The following SPIN1 variants were observed in gnomAD, a reference collection of about 807,000 sequenced individuals.
SPIN1 encodes spindlin 1, also known as spindlin-1.
In SPIN1, 3 loss-of-function variants were observed where a neutral mutation model predicts 26.0. That is an observed-to-expected ratio of 0.12 (90% CI 0.05 to 0.30). The LOEUF is 0.30. Among genes scored for constraint, SPIN1 ranks in the 10% least tolerant of loss-of-function variants. The pLI is 1.00. For synonymous variants in SPIN1, 101 were observed against 116.5 expected (o/e 0.87, Z 0.86); for missense variants, 126 against 333.4 (o/e 0.38, Z 4.84).
chr9:88,464,427 C>CTTT (rs1564043108), intron 4 of SPIN1, among the ~76,000 whole-genome samples: 1 of 152,288 alleles, frequency 6.6e-6, no homozygotes, highest in East Asian at 1.9e-4. Flanking sequence ...TTTTCTTAAG[C>CTTT]TAAAGTTAGA....
intron 2 of SPIN1, among the ~76,000 whole-genome samples, chr9:88,429,825 A>G (rs1255687934): frequency 6.6e-6 from 1 of 152,148 alleles, no homozygotes; most frequent in African/African-American, 2.4e-5. Flanking sequence ...TGGTCCTACT[A>G]GAGACCAGTC....
chr9:88,449,580 C>T (rs1828317943), intron 3 of SPIN1, among the ~76,000 whole-genome samples: 1 of 151,846 alleles, frequency 6.6e-6, no homozygotes, highest in Non-Finnish European at 1.5e-5. Flanking sequence ...CACTTTTTTC[C>T]CTAATTTTTT....
chr9:88,447,081 C>T (rs935278955), intron 2 of SPIN1, among the ~76,000 whole-genome samples: 7 of 152,154 alleles, frequency 4.6e-5, no homozygotes, highest in Non-Finnish European at 1.0e-4. Flanking sequence ...CTAAAGGTCA[C>T]TGAGGTTGTG....
intron 1 of SPIN1, among the ~76,000 whole-genome samples, chr9:88,399,283 C>T (rs755340448): frequency 1.3e-5 from 2 of 152,066 alleles, no homozygotes; most frequent in African/African-American, 2.4e-5. Flanking sequence ...CCACCCGCCT[C>T]GGCCTCCCAA....
intron 1 of SPIN1, among the ~76,000 whole-genome samples, chr9:88,421,497 A>G (rs1202211714): frequency 6.6e-6 from 1 of 152,002 alleles, no homozygotes; most frequent in Non-Finnish European, 1.5e-5. Flanking sequence ...TTGATTGATC[A>G]CTTGAACTCC....
At chr9:88,404,537 A>G (rs879493057) in intron 1 of SPIN1, among the ~76,000 whole-genome samples, 10 of 152,208 alleles carry the variant, frequency 6.6e-5, no homozygotes, top group Non-Finnish European at 1.3e-4. Flanking sequence ...ATGTATAGAA[A>G]TACTTTCTTC....
At position 88,476,176 on chromosome 9, in the gene SPIN1, A is replaced by T. The variant is rs145522494; in HGVS notation, c.*899A>T. On this transcript the variant is annotated 3_prime_UTR_variant, in exon 6 of 6. Transcript: ENST00000375859. ...AATGTAGGTGTATTTTGGACAGCAC[A>T]TATGGTCCATTGTGTACAAGTCAGT... 3 of 152,188 alleles carry T rather than the reference A, an allele frequency of 2.0e-5. No homozygotes were observed. The East Asian group carries it at 5.8e-4, about 29-fold the overall frequency. The allele number at this position is 152,188 out of a possible 1,614,324, so 9.4% of individuals were successfully genotyped here.
chr9:88,468,765 GT>G (rs1404671881), intron 5 of SPIN1, among the ~76,000 whole-genome samples, 160 bp downstream of exon 5: 2 of 152,048 alleles, frequency 1.3e-5, no homozygotes, highest in African/African-American at 4.8e-5. Context: ...TCATCCAGTT[GT>G]TATAAATGTT....
At position 88,462,524 on chromosome 9, in the gene SPIN1, A is replaced by C; in HGVS notation, c.130A>C (p.Lys44Gln). 1 of 1,614,122 alleles carries C rather than the reference A, an allele frequency of 6.2e-7. No homozygotes were observed. Among genetic ancestry groups the C allele is most frequent in the Non-Finnish European group, 8.5e-7 (1 of 1,179,968 alleles). ...ACATCGGAGCAGTGTGGGTCCGAGC[A>C]AACCTGTTTCCCAGCCCCGGCGGAA... ...KKHRSSVGPS[K>Q]PVSQPRRNIV... The change falls in exon 4 of 6, where the codon AAA becomes CAA. Residue 44 changes from lysine to glutamine, a missense_variant. Lys to Gln is a moderately conservative substitution (Grantham distance 53). Coordinates refer to ENST00000375859, the MANE Select transcript of SPIN1 (RefSeq NM_006717.3).
chr9:88,445,959 G>T (rs1460952745), intron 2 of SPIN1, among the ~76,000 whole-genome samples: 1 of 151,870 alleles, frequency 6.6e-6, no homozygotes, highest in Non-Finnish European at 1.5e-5. Flanking sequence ...TTGGTTGTTC[G>T]GGTCTTCTGT....
chr9:88,411,508 C>A, intron 1 of SPIN1: 2 of 778,844 alleles, frequency 2.6e-6, no homozygotes, highest in Non-Finnish European at 2.1e-6. Context: ...CAGCGTCATC[C>A]ATGGGCAGAA....
Position 88,449,006 on chromosome 9 carries a change from C to T in SPIN1, c.101+17C>T, listed in dbSNP as rs949046957. On this transcript the variant is annotated intron_variant, in intron 3 of 5. Coordinates refer to ENST00000375859, the MANE Select transcript of SPIN1 (RefSeq NM_006717.3). The stretch of plus-strand genomic sequence containing the variant: ...ATCCCACAAGTAAGCAGTTCTGAAA[C>T]TGGTTCTAGATAGTGTTTTGTGACC... The T allele has an allele frequency of 1.9e-6, 3 of 1,611,910 alleles. No homozygotes were observed. The highest frequency in any genetic ancestry group is 2.5e-6 in the Non-Finnish European group (3 of 1,179,358).
chr9:88,471,960 G>A (rs1828798773), intron 5 of SPIN1, among the ~76,000 whole-genome samples: 1 of 151,808 alleles, frequency 6.6e-6, no homozygotes, highest in Non-Finnish European at 1.5e-5. Flanking sequence ...CACCACATTG[G>A]GCTAACTTTC....
intron 1 of SPIN1, among the ~76,000 whole-genome samples, chr9:88,410,326 A>C (rs1827414820): frequency 6.6e-6 from 1 of 151,756 alleles, no homozygotes; most frequent in Admixed American, 6.6e-5. Context: ...AACAGAAACT[A>C]AAATAACCTG....
At chr9:88,445,520 TA>T (rs1393327068) in intron 2 of SPIN1, among the ~76,000 whole-genome samples, 8 of 68,734 alleles carry the variant, frequency 1.2e-4, no homozygotes, top group African/African-American at 6.4e-4. Context: ...TTGAGACTTT[TA>T]TTATTATTAT....
chr9:88,412,626 T>C (rs1827473507), intron 1 of SPIN1, among the ~76,000 whole-genome samples: 1 of 152,132 alleles, frequency 6.6e-6, no homozygotes, highest in Non-Finnish European at 1.5e-5. Flanking sequence ...ACCAATTATA[T>C]TTAAGTTATA....
chr9:88,419,724 T>C (rs1827636557), intron 1 of SPIN1, among the ~76,000 whole-genome samples: 1 of 152,176 alleles, frequency 6.6e-6, no homozygotes, highest in African/African-American at 2.4e-5. Context: ...CGTTAAAAAA[T>C]ACTTTGCCAT....
At chr9:88,411,042 C>G (rs1210045273) in intron 1 of SPIN1, 4 of 1,585,528 alleles carry the variant, frequency 2.5e-6, no homozygotes, top group East Asian at 4.5e-5. Context: ...TTGCCACTGC[C>G]TCGGTCAGTC....
chr9:88,447,887 T>C (rs1828282917), intron 2 of SPIN1, among the ~76,000 whole-genome samples: 1 of 152,218 alleles, frequency 6.6e-6, no homozygotes, highest in African/African-American at 2.4e-5. Context: ...GTGTGTGTTT[T>C]CTGCTCCCAG....
Sources: gnomAD v4.1 joint callset for allele counts (sites outside exome capture counted in the v4.1 genomes callset) on GRCh38, gnomAD v4.1.1 for gene constraint, MANE v1.5 for transcripts, NCBI Gene and HGNC (gene_info 2026-07-23, HGNC 2026-07-21) for gene names.